MPDZ: variants seen among roughly 807,000 people sequenced by gnomAD.
MPDZ encodes the protein multiple PDZ domain crumbs cell polarity complex component, also known as multiple PDZ domain protein.
A neutral mutation model predicts 239.1 loss-of-function variants in MPDZ; 234 were observed. The ratio of observed to expected loss-of-function variants is 0.98; its 90% CI spans 0.88 to 1.09. The LOEUF (loss-of-function observed/expected upper bound fraction) is 1.09. Among genes scored for constraint, MPDZ ranks in the 50% least tolerant of loss-of-function variants. The pLI is 0.00. For synonymous variants in MPDZ, 1,048 were observed against 881.3 expected (o/e 1.19, Z -3.35); for missense variants, 3,175 against 2,510.0 (o/e 1.26, Z -5.66).
chr9:13,154,780 T>C (rs569283412), intron 24 of MPDZ, among the ~76,000 whole-genome samples: 11 of 152,290 alleles, frequency 7.2e-5, no homozygotes, highest in African/African-American at 2.6e-4. Flanking sequence ...TCAATCCTGT[T>C]ATACCTACCA....
At chr9:13,223,793 A>G (rs1959599675) in intron 4 of MPDZ, 83 bp from the exon 5 acceptor site, 1 of 1,421,642 alleles carries the variant, frequency 7.0e-7, no homozygotes. Context: ...GCACTTTGGG[A>G]GGCCAAGGTG....
At chr9:13,152,101 C>T (rs1449303843) in intron 24 of MPDZ, among the ~76,000 whole-genome samples, 2 of 152,070 alleles carry the variant, frequency 1.3e-5, no homozygotes, top group Admixed American at 1.3e-4. Context: ...CAGATAGCAG[C>T]TTCTAAGCTT....
At chr9:13,183,291 T>C in intron 19 of MPDZ, 127 bp downstream of exon 19, 3 of 703,646 alleles carry the variant, frequency 4.3e-6, no homozygotes, top group South Asian at 2.7e-5. Context: ...AATCCAATAA[T>C]GAATCCACAA....
rs576358675 is a variant in MPDZ at position 13,250,747 on chromosome 9, T to C, written c.-57-375A>G. ...ACTTAACTCCACATAAGAAATTCTG[T>C]GGCAAAATCATAAAAAGTAGAAAAT... On this transcript the variant is annotated intron_variant, in intron 1 of 46. Coordinates refer to ENST00000319217, the MANE Select transcript of MPDZ (RefSeq NM_001378778.1). Among the ~76,000 whole-genome samples, 11 of 139,028 alleles carry C rather than the reference T, an allele frequency of 7.9e-5. No individual in the cohort carries two copies. In the East Asian group the frequency reaches 1.4e-3, roughly 17 times the overall value. The allele number at this position is 139,028 out of a possible 152,430, so 91.2% of individuals were successfully genotyped here.
Position 13,205,971 on chromosome 9 carries a change from C to G in MPDZ, c.1419G>C (p.Arg473Ser), listed in dbSNP as rs1399055937. ...AATCTGCATCTTTTGTGACGTCTTC[C>G]CTTGACATGAGCTCGGCTTCCTGCT... ...GMKQEAELMS[R>S]EDVTKDADLS... The change falls in exon 11 of 47, where the codon AGG becomes AGC. Residue 473 changes from arginine (R) to serine (S), a missense_variant. Transcript: ENST00000319217. 6.2e-7 allele frequency: 1 copy of G among 1,610,250 alleles called. No individual in the cohort carries two copies. Among genetic ancestry groups the G allele is most frequent in the Non-Finnish European group, 8.5e-7 (1 of 1,178,552 alleles).
At chr9:13,168,055 C>T (rs1259040941) in intron 22 of MPDZ, among the ~76,000 whole-genome samples, 1 of 152,076 alleles carries the variant, frequency 6.6e-6, no homozygotes, top group Non-Finnish European at 1.5e-5. Flanking sequence ...TTTCCAAGAT[C>T]CTAAAAGTGG....
intron 10 of MPDZ, among the ~76,000 whole-genome samples, chr9:13,215,753 GTTTTTTTTTTT>G (rs56281339): frequency 2.2e-5 from 2 of 89,048 alleles, no homozygotes; most frequent in Non-Finnish European, 4.0e-5. Flanking sequence ...TCTATTGCAG[GTTTTTTTTTTT>G]TTTTTTTTTT....
rs1331676 is a variant in MPDZ at position 13,192,321 on chromosome 9, C to G, written c.1804-26G>C. 0.99 allele frequency: 1,553,677 copies of G among 1,567,236 alleles called. 770,529 individuals are homozygous for G. Among genetic ancestry groups the G allele is most frequent in the Non-Finnish European group, 1 (1,151,713 of 1,153,628 alleles). ...CTGTGAAAAAAGATACATTGTCCAA[C>G]AAACAACACTTCATAATATGAACAT... is the stretch of plus-strand genomic sequence containing the variant. On this transcript the variant is annotated intron_variant, in intron 14 of 46. Coordinates refer to ENST00000319217, the MANE Select transcript of MPDZ (RefSeq NM_001378778.1).
At chr9:13,199,314 T>C (rs911633111) in intron 12 of MPDZ, among the ~76,000 whole-genome samples, 1 of 152,100 alleles carries the variant, frequency 6.6e-6, no homozygotes, top group East Asian at 1.9e-4. Context: ...TTTGGATTAT[T>C]TGCTGTGGTG....
At chr9:13,230,700 TG>T (rs1482412740) in intron 3 of MPDZ, among the ~76,000 whole-genome samples, 1 of 152,028 alleles carries the variant, frequency 6.6e-6, no homozygotes, top group Non-Finnish European at 1.5e-5. Flanking sequence ...ATCTTGATTG[TG>T]GGGATAGCTA....
chr9:13,111,132 G>A (rs1232767723), intron 43 of MPDZ, among the ~76,000 whole-genome samples: 1 of 151,482 alleles, frequency 6.6e-6, no homozygotes, highest in Non-Finnish European at 1.5e-5. Flanking sequence ...GCAAACTAAG[G>A]CCCAGAGGCC....
intron 1 of MPDZ, among the ~76,000 whole-genome samples, chr9:13,263,345 T>C (rs905029223): frequency 2.7e-5 from 4 of 148,468 alleles, no homozygotes; most frequent in Non-Finnish European, 3.0e-5. Flanking sequence ...AGGCTAGGAC[T>C]AGAGATGATT....
intron 29 of MPDZ, among the ~76,000 whole-genome samples, chr9:13,137,068 C>T (rs1238654429): frequency 6.6e-6 from 1 of 152,066 alleles, no homozygotes; most frequent in Non-Finnish European, 1.5e-5. Context: ...GGACCAACTG[C>T]AGGAGAGTAG....
chr9:13,119,446 A>G lies in MPDZ; in HGVS notation c.5379+56T>C, dbSNP rs957597085. 1.0e-5 allele frequency: 16 copies of G among 1,554,164 alleles called. No individual in the cohort carries two copies. The East Asian group carries it at 2.9e-4, about 28-fold the overall frequency. ...AATTTGACTATGATAGCCCAATGTT[A>G]AAATTATCTTTTTTCTTCTACGCTA... is the stretch of plus-strand genomic sequence containing the variant. On this transcript the variant is annotated intron_variant, in intron 39 of 46. Transcript: ENST00000319217.
chr9:13,225,485 A>G (rs1960278622), intron 3 of MPDZ, among the ~76,000 whole-genome samples: 1 of 151,878 alleles, frequency 6.6e-6, no homozygotes, highest in Admixed American at 6.6e-5. Flanking sequence ...ACATGCACTC[A>G]CCACTCACTC....
chr9:13,224,483 A>G lies in MPDZ; in HGVS notation c.284T>C (p.Leu95Ser). Residue 95 changes from leucine to serine, a missense_variant, in exon 4 of 47, where the codon TTA becomes TCA. Leu to Ser is a moderately radical substitution (Grantham distance 145). Transcript: ENST00000319217. ...IPTLQNESFLLSPNNGNLEAL... is the reference protein window; with the variant it reads ...IPTLQNESFLSSPNNGNLEAL... ...TTCCAGATTCCCATTGTTTGGGGAT[A>G]ATAAAAACGATTCATTTTGCAGAGT... The G allele has an allele frequency of 6.2e-7, 1 of 1,612,892 alleles. No individual in the cohort carries two copies. The highest frequency in any genetic ancestry group is 8.5e-7 in the Non-Finnish European group (1 of 1,179,214).
intron 3 of MPDZ, among the ~76,000 whole-genome samples, chr9:13,232,985 AT>A (rs1962944915): frequency 6.6e-6 from 1 of 152,086 alleles, no homozygotes; most frequent in Non-Finnish European, 1.5e-5. Context: ...CAATAAAATG[AT>A]ACTATAACAT....
Position 13,176,399 on chromosome 9 carries a change from A to G in MPDZ, c.2668T>C (p.Cys890Arg), listed in dbSNP as rs1196839713. The change falls in exon 20 of 47, where the codon TGT (cysteine) becomes CGT (arginine). Residue 890 changes from cysteine (C) to arginine (R), a missense_variant. Cys to Arg is a radical substitution (Grantham distance 180). Coordinates refer to ENST00000319217, the MANE Select transcript of MPDZ (RefSeq NM_001378778.1). ...ATATGCAGATCAAGTACTGGATCAC[A>G]AGAATTTTCAATAACATCCTGGTAG... ...SPPKDVIENS[C>R]DPVLDLHMSL... The G allele has an allele frequency of 1.3e-6, 2 of 1,573,168 alleles. No homozygotes were observed. The highest frequency in any genetic ancestry group is 2.4e-5 in the South Asian group (2 of 83,034).
intron 24 of MPDZ, among the ~76,000 whole-genome samples, chr9:13,154,054 G>C (rs7873151): frequency 0.019 from 2,853 of 152,196 alleles, 92 homozygotes; most frequent in South Asian, 0.089. Flanking sequence ...ATTTTACAAA[G>C]AAGAGAAGAG....
Sources: allele counts gnomAD v4.1 joint callset (sites outside exome capture counted in the v4.1 genomes callset), GRCh38; gene constraint gnomAD v4.1.1; transcripts MANE v1.5; gene names NCBI Gene and HGNC (gene_info 2026-07-23, HGNC 2026-07-21).